The following RPS6KC1 variants were observed in gnomAD, a reference collection of about 807,000 sequenced individuals.
RPS6KC1 encodes the protein inactive ribosomal protein S6 kinase delta-1.
RPS6KC1 carries 54 observed loss-of-function variants against 103.8 expected under a neutral mutation model. That is an observed-to-expected ratio of 0.52 (90% CI 0.42 to 0.65). RPS6KC1 has a LOEUF of 0.65. Among genes scored for constraint, RPS6KC1 ranks in the 30% least tolerant of loss-of-function variants. RPS6KC1 has a pLI of 0.00. For synonymous variants in RPS6KC1, 439 were observed against 438.7 expected (o/e 1.00, Z -0.01); for missense variants, 1,151 against 1,253.8 (o/e 0.92, Z 1.24).
In RPS6KC1 at chr1:213,271,657, G is replaced by C. The variant is rs184422724; in HGVS notation, c.3091-867G>C. On this transcript the variant is annotated intron_variant, in intron 14 of 14. Coordinates refer to ENST00000366960, the MANE Select transcript of RPS6KC1 (RefSeq NM_012424.6). ...CGCGCGCCTGTAGTCCCAGCTACAC[G>C]GGAGGCTGAGGCAGGAGAATGACGT... is the stretch of plus-strand genomic sequence containing the variant. Among the ~76,000 whole-genome samples, 5 of 151,930 alleles carry C rather than the reference G, an allele frequency of 3.3e-5. No homozygotes were observed. The East Asian group carries it at 5.8e-4, about 18-fold the overall frequency.
At chr1:213,119,425 CATATATATATATATAT>C (rs757888943) in intron 5 of RPS6KC1, among the ~76,000 whole-genome samples, 14 of 90,956 alleles carry the variant, frequency 1.5e-4, no homozygotes, top group South Asian at 3.9e-4. Context: ...CCAGCCTGGG[CATATATATATATATAT>C]ATATATATAT....
chr1:213,543,658 C>T, the RPS6KC1 span, among the ~76,000 whole-genome samples: 1 of 152,170 alleles, frequency 6.6e-6, no homozygotes, highest in African/African-American at 2.4e-5. Context: ...AGAGATCATC[C>T]CTTTTGTCTT....
At chr1:213,171,442 GT>G (rs1272639350) in intron 7 of RPS6KC1, among the ~76,000 whole-genome samples, 2 of 151,130 alleles carry the variant, frequency 1.3e-5, no homozygotes, top group Admixed American at 6.6e-5. Context: ...ATTTAGAATA[GT>G]TTTTTTGCTT....
chr1:213,590,577 A>G, the RPS6KC1 span, among the ~76,000 whole-genome samples: 2 of 152,288 alleles, frequency 1.3e-5, no homozygotes, highest in South Asian at 4.2e-4. Context: ...AGAAGCTGGG[A>G]TGAGCCTTCT....
the RPS6KC1 span, among the ~76,000 whole-genome samples, chr1:213,380,056 C>T: frequency 6.6e-6 from 1 of 152,062 alleles, no homozygotes; most frequent in East Asian, 1.9e-4. Flanking sequence ...TCTCAATAGC[C>T]AATACATGGA....
chr1:213,261,780 G>A, intron 13 of RPS6KC1, 140 bp downstream of exon 13: 1 of 675,334 alleles, frequency 1.5e-6, no homozygotes. Flanking sequence ...GTAGAGAAAT[G>A]CAAGTTTATC....
the RPS6KC1 span, among the ~76,000 whole-genome samples, chr1:213,724,101 G>A: frequency 0.51 from 77,145 of 151,888 alleles, 20,305 homozygotes; most frequent in African/African-American, 0.62. Context: ...TTTTTTATTT[G>A]TTTTGAGATG....
At chr1:213,734,516 TG>T in the RPS6KC1 span, among the ~76,000 whole-genome samples, 29 of 152,284 alleles carry the variant, frequency 1.9e-4, no homozygotes, top group Middle Eastern at 3.4e-3. Flanking sequence ...TTTCACTGAG[TG>T]TGTGAGTGCA....
At chr1:213,664,193 G>GGGGGGGGT in the RPS6KC1 span, among the ~76,000 whole-genome samples, 1 of 80,334 alleles carries the variant, frequency 1.2e-5, no homozygotes, top group Non-Finnish European at 3.0e-5. Flanking sequence ...AGAAATGAGC[G>GGGGGGGGT]GGGGGGCGGG....
intron 3 of RPS6KC1, among the ~76,000 whole-genome samples, chr1:213,102,042 G>T (rs759564867): frequency 6.6e-6 from 1 of 152,144 alleles, no homozygotes; most frequent in Non-Finnish European, 1.5e-5. Flanking sequence ...TATTGTTATT[G>T]GGAGGGTTGA....
chr1:213,359,541 A>T, the RPS6KC1 span, among the ~76,000 whole-genome samples: 1 of 152,172 alleles, frequency 6.6e-6, no homozygotes, highest in African/African-American at 2.4e-5. Context: ...TAATTGGAGC[A>T]TTTAGCCCAT....
chr1:213,371,170 A>G, the RPS6KC1 span, among the ~76,000 whole-genome samples: 1 of 149,688 alleles, frequency 6.7e-6, no homozygotes, highest in Non-Finnish European at 1.5e-5. Flanking sequence ...GAATTTGACC[A>G]CTCTAGGTAC....
At chr1:213,388,507 A>G in the RPS6KC1 span, among the ~76,000 whole-genome samples, 3 of 152,210 alleles carry the variant, frequency 2.0e-5, no homozygotes, top group African/African-American at 4.8e-5. Context: ...TCTATTTTGC[A>G]TAGCCAAGTA....
intron 1 of RPS6KC1, among the ~76,000 whole-genome samples, chr1:213,065,861 G>T (rs550759857): frequency 5.3e-5 from 8 of 152,260 alleles, no homozygotes; most frequent in Middle Eastern, 3.4e-3. Context: ...TGAAAATACC[G>T]CAGATAAATA....
Position 213,051,421 on chromosome 1 carries a change from A to G in RPS6KC1, c.17A>G (p.Glu6Gly). 3.1e-6 allele frequency: 5 copies of G among 1,612,838 alleles called. No individual in the cohort carries two copies. The South Asian group carries it at 5.5e-5, about 18-fold the overall frequency. ...GGCGGGAGGATGACCTCTTACCGGGAGCGGAGTGCCGACCTGGCCCGTTTC... is the reference window on the plus strand; with the variant it reads ...GGCGGGAGGATGACCTCTTACCGGGGGCGGAGTGCCGACCTGGCCCGTTTC... Reference protein sequence around the residue: MTSYRERSADLARFYT... With the variant: MTSYRGRSADLARFYT... The change falls in exon 1 of 15, where the codon GAG becomes GGG. Residue 6 changes from glutamate to glycine, a missense_variant. Physicochemically the swap from Glu to Gly is moderately conservative, Grantham distance 98. Around this residue, in one of 3 missense-constraint regions of RPS6KC1, gnomAD observed 959 missense variants for 1,006.3 expected, o/e 0.95. Transcript: ENST00000366960.
intron 8 of RPS6KC1, among the ~76,000 whole-genome samples, chr1:213,214,165 G>T (rs1320859831): frequency 6.6e-6 from 1 of 152,222 alleles, no homozygotes; most frequent in Non-Finnish European, 1.5e-5. Context: ...GGAAAATTGG[G>T]TCATTCCCAC....
At chr1:213,053,750 G>C (rs1193971445) in intron 1 of RPS6KC1, among the ~76,000 whole-genome samples, 2 of 152,158 alleles carry the variant, frequency 1.3e-5, no homozygotes, top group Non-Finnish European at 2.9e-5. Context: ...CTGGAGGTAT[G>C]AATGTGTGTG....
chr1:213,418,800 T>TC, the RPS6KC1 span, among the ~76,000 whole-genome samples: 1 of 152,040 alleles, frequency 6.6e-6, no homozygotes. Context: ...TTCTTTTTCC[T>TC]CCCCCGGGGT....
intron 6 of RPS6KC1, among the ~76,000 whole-genome samples, chr1:213,167,439 AACACACACACACAC>A (rs199762137): frequency 2.4e-4 from 18 of 75,946 alleles, no homozygotes; most frequent in South Asian, 1.7e-3. Flanking sequence ...CAAGGTTGAA[AACACACACACACAC>A]ACACACACAC....
Sources: allele counts gnomAD v4.1 joint callset (sites outside exome capture counted in the v4.1 genomes callset), GRCh38; gene constraint gnomAD v4.1.1; regional missense constraint gnomAD v4.1.1; transcripts MANE v1.5; gene names NCBI Gene and HGNC (gene_info 2026-07-23, HGNC 2026-07-21).